ANKRD10: variants seen among roughly 807,000 people sequenced by gnomAD.
ANKRD10 encodes ankyrin repeat domain-containing protein 10.
Under a neutral mutation model 27.0 loss-of-function variants are expected in ANKRD10, and 14 were observed. The observed-to-expected ratio is 0.52, with a 90% CI of 0.34 to 0.81. The LOEUF (loss-of-function observed/expected upper bound fraction) is 0.81, where lower values mean the gene tolerates loss of function less well. ANKRD10 is among the 40% of genes least tolerant of loss of function. The pLI is 0.01. For synonymous variants in ANKRD10, 250 were observed against 224.5 expected, an observed-to-expected ratio of 1.11 and a Z score of -1.01; for missense variants, 493 against 544.0, an observed-to-expected ratio of 0.91 and a Z score of 0.93.
At chr13:110,905,560 T>C (rs970842113) in intron 3 of ANKRD10, among the ~76,000 whole-genome samples, 2 of 152,234 alleles carry the variant, frequency 1.3e-5, no homozygotes, top group African/African-American at 2.4e-5. Flanking sequence ...CATAACTTTC[T>C]CACATCTGCT....
chr13:110,897,890 C>CG (rs1428038699), intron 3 of ANKRD10, among the ~76,000 whole-genome samples: 2 of 152,182 alleles, frequency 1.3e-5, no homozygotes, highest in Non-Finnish European at 2.9e-5. Context: ...GTCATTCTAA[C>CG]GGGGGTAAGA....
rs1438001793 is a variant in ANKRD10, at chr13:110,896,219, G to A, written c.456-2956C>T. Among the ~76,000 whole-genome samples, 3 of 152,154 alleles carry A rather than the reference G, an allele frequency of 2.0e-5. No homozygotes were observed. The East Asian group carries it at 5.8e-4, about 29-fold the overall frequency. On this transcript the variant is annotated intron_variant, in intron 3 of 5. Coordinates refer to ENST00000267339, the MANE Select transcript of ANKRD10 (RefSeq NM_017664.4). ...ATTACTTAGAGGAGACTGTAATTTT[G>A]CTCTACATTTAAGTGGCACTATCTA... is the stretch of plus-strand genomic sequence containing the variant.
intron 3 of ANKRD10, chr13:110,895,077 A>T (rs993370122): frequency 6.6e-6 from 1 of 152,246 alleles, no homozygotes; most frequent in African/African-American, 2.4e-5. Context: ...GAAAATTCAA[A>T]AACTCTTCAA....
chr13:110,887,454 A>C (rs1044887079), intron 4 of ANKRD10, among the ~76,000 whole-genome samples: 1 of 152,188 alleles, frequency 6.6e-6, no homozygotes, highest in African/African-American at 2.4e-5. Flanking sequence ...ACACAGGAAA[A>C]CAGGACTGTA....
chr13:110,890,476 A>T (rs554008748), intron 4 of ANKRD10, among the ~76,000 whole-genome samples: 5 of 152,222 alleles, frequency 3.3e-5, no homozygotes, highest in African/African-American at 9.6e-5. Context: ...TCTTGTGACG[A>T]GTGTGGCAAA....
chr13:110,906,274 C>T (rs948877622), intron 2 of ANKRD10, 150 bp from the exon 3 acceptor site: 2 of 646,090 alleles, frequency 3.1e-6, no homozygotes, highest in South Asian at 4.1e-5. Context: ...ACAAAGAAAT[C>T]TATACGTGAA....
chr13:110,899,180 A>G (rs545387490), intron 3 of ANKRD10: 1 of 152,272 alleles, frequency 6.6e-6, no homozygotes, highest in South Asian at 2.1e-4. Flanking sequence ...ATCAGTAGTA[A>G]AGTTCATCCG....
chr13:110,880,127 A>G lies in ANKRD10; in HGVS notation c.788-15T>C. The G allele has an allele frequency of 1.9e-6, 3 of 1,596,392 alleles. No homozygotes were observed. Among genetic ancestry groups the G allele is most frequent in the Non-Finnish European group, 2.6e-6 (3 of 1,167,474 alleles). On this transcript the variant is annotated splice_polypyrimidine_tract_variant and intron_variant, in intron 5 of 5. Coordinates refer to ENST00000267339, the MANE Select transcript of ANKRD10 (RefSeq NM_017664.4). ...GTTTTTCATATCTGCATTAAGAAATACACCTGTCACCAAAATTCAGAACCA... is the reference window on the plus strand; with the variant it reads ...GTTTTTCATATCTGCATTAAGAAATGCACCTGTCACCAAAATTCAGAACCA...
At chr13:110,893,367 C>CAA (rs2065134257) in intron 3 of ANKRD10, 104 bp from the exon 4 acceptor site, 2 of 1,039,750 alleles carry the variant, frequency 1.9e-6, no homozygotes, top group Admixed American at 5.4e-5. Flanking sequence ...AAAGAGTAAA[C>CAA]AAATTCATAG....
intron 2 of ANKRD10, among the ~76,000 whole-genome samples, chr13:110,909,912 T>C (rs920977098): frequency 6.6e-6 from 1 of 152,144 alleles, no homozygotes; most frequent in African/African-American, 2.4e-5. Context: ...TCTTAAGAGA[T>C]GAAAATTATC....
intron 1 of ANKRD10, among the ~76,000 whole-genome samples, chr13:110,911,941 A>T (rs976212382): frequency 6.6e-6 from 1 of 152,112 alleles, no homozygotes; most frequent in Non-Finnish European, 1.5e-5. Flanking sequence ...CATTCTCCAC[A>T]TTTTTTTACT....
chr13:110,901,910 G>C (rs954281490), intron 3 of ANKRD10, among the ~76,000 whole-genome samples: 1 of 152,236 alleles, frequency 6.6e-6, no homozygotes, highest in South Asian at 2.1e-4. Flanking sequence ...GGGCATGGTG[G>C]TATGTGCCTA....
At chr13:110,912,438 G>A (rs994037840) in intron 1 of ANKRD10, among the ~76,000 whole-genome samples, 1 of 152,140 alleles carries the variant, frequency 6.6e-6, no homozygotes, top group African/African-American at 2.4e-5. Flanking sequence ...AATTCACTGG[G>A]TGAAAATGAA....
chr13:110,914,630 C>T (rs1249128788), intron 1 of ANKRD10, 95 bp downstream of exon 1: 4 of 1,436,358 alleles, frequency 2.8e-6, no homozygotes, highest in African/African-American at 1.5e-5. Flanking sequence ...CCCCGCGATC[C>T]CGGCACGCCC....
chr13:110,909,959 C>T (rs1337148168), intron 2 of ANKRD10, among the ~76,000 whole-genome samples: 1 of 152,200 alleles, frequency 6.6e-6, no homozygotes, highest in Admixed American at 6.5e-5. Flanking sequence ...CAGCAAAGGA[C>T]GCTGAGTCTA....
chr13:110,898,654 C>G (rs1278353139), intron 3 of ANKRD10, among the ~76,000 whole-genome samples: 1 of 152,082 alleles, frequency 6.6e-6, no homozygotes, highest in Non-Finnish European at 1.5e-5. Flanking sequence ...ACTGTAGCCT[C>G]GTCTACCTCC....
chr13:110,891,236 A>G (rs1467678083), intron 4 of ANKRD10, among the ~76,000 whole-genome samples: 1 of 152,230 alleles, frequency 6.6e-6, no homozygotes, highest in Non-Finnish European at 1.5e-5. Flanking sequence ...CTACAATACT[A>G]ACCAGGCTTT....
intron 3 of ANKRD10, among the ~76,000 whole-genome samples, chr13:110,893,619 C>T (rs1248729542): frequency 1.3e-5 from 2 of 152,216 alleles, no homozygotes; most frequent in Non-Finnish European, 2.9e-5. Flanking sequence ...ATACCCATTC[C>T]TTTAGCGTGA....
intron 1 of ANKRD10, among the ~76,000 whole-genome samples, chr13:110,912,421 C>G (rs1220976377): frequency 6.6e-6 from 1 of 152,156 alleles, no homozygotes; most frequent in African/African-American, 2.4e-5. Flanking sequence ...TATTTATTGC[C>G]TTTATTAATT....
Sources: gnomAD v4.1 joint callset for allele counts (sites outside exome capture counted in the v4.1 genomes callset) on GRCh38, gnomAD v4.1.1 for gene constraint, MANE v1.5 for transcripts, NCBI Gene and HGNC (gene_info 2026-07-23, HGNC 2026-07-21) for gene names.